VAC14: variants seen among roughly 807,000 people sequenced by gnomAD.
VAC14 encodes the protein VAC14 component of PIKFYVE complex.
Under a neutral mutation model 85.3 loss-of-function variants are expected in VAC14, and 47 were observed. That is an observed-to-expected ratio of 0.55 (90% CI 0.44 to 0.70). VAC14 has a LOEUF of 0.70. VAC14 is among the 30% of genes least tolerant of loss of function. The pLI is 0.00. For missense variants in VAC14, 861 were observed against 1,004.3 expected, an observed-to-expected ratio of 0.86 and a Z score of 1.93; for synonymous variants, 447 against 430.5, an observed-to-expected ratio of 1.04 and a Z score of -0.47.
At chr16:70,704,879 C>T (rs947102563) in intron 14 of VAC14, among the ~76,000 whole-genome samples, 10 of 152,200 alleles carry the variant, frequency 6.6e-5, no homozygotes, top group Admixed American at 2.6e-4. Context: ...TGCCGTGCTC[C>T]GCCCTAGGGA....
chr16:70,744,585 G>T lies in VAC14; in HGVS notation c.1372-6C>A. On this transcript the variant is annotated splice_polypyrimidine_tract_variant and splice_region_variant and intron_variant, in intron 12 of 18. Coordinates refer to ENST00000261776, the MANE Select transcript of VAC14 (RefSeq NM_018052.5). ...TCCAGGTCCTTCAGGATCACCTGGGGAGAGAAGCGGGGCAGGAGGGATGAG... is the reference window on the plus strand; with the variant it reads ...TCCAGGTCCTTCAGGATCACCTGGGTAGAGAAGCGGGGCAGGAGGGATGAG... 1 of 1,587,824 alleles carries T rather than the reference G, an allele frequency of 6.3e-7. No individual in the cohort carries two copies. The highest frequency in any genetic ancestry group is 8.6e-7 in the Non-Finnish European group (1 of 1,167,870).
chr16:70,744,690 G>T, intron 12 of VAC14, 111 bp from the exon 13 acceptor site: 2 of 1,317,720 alleles, frequency 1.5e-6, no homozygotes, highest in Non-Finnish European at 2.0e-6. Context: ...GGAGGGGTCT[G>T]CAGATGACAG....
At chr16:70,757,331 C>A (rs149665706) in intron 12 of VAC14, among the ~76,000 whole-genome samples, 1 of 152,238 alleles carries the variant, frequency 6.6e-6, no homozygotes, top group Non-Finnish European at 1.5e-5. Context: ...GGACTCAGGG[C>A]GGCCAGCTGG....
At chr16:70,734,509 G>A (rs1385923122) in intron 13 of VAC14, among the ~76,000 whole-genome samples, 1 of 151,938 alleles carries the variant, frequency 6.6e-6, no homozygotes, top group Non-Finnish European at 1.5e-5. Flanking sequence ...TTTTTTCTTT[G>A]GTTGCTTGTG....
chr16:70,692,383 G>A (rs944769657), intron 18 of VAC14, among the ~76,000 whole-genome samples: 1 of 152,104 alleles, frequency 6.6e-6, no homozygotes, highest in Non-Finnish European at 1.5e-5. Flanking sequence ...CACAGACAGG[G>A]TGGGGAGGGG....
In VAC14 at chr16:70,697,147, G is replaced by A. The variant is rs2053729324; in HGVS notation, c.1947C>T (p.Ile649=). The A allele has an allele frequency of 4.3e-5, 69 of 1,613,134 alleles. No homozygotes were observed. The highest frequency in any genetic ancestry group is 5.8e-5 in the Non-Finnish European group (68 of 1,179,250). ...TQNYRHAYDL[I]QKFGDLEVTV... is the part of the protein sequence containing the mutation. ...AGTGAGAGGAAGGATACAACTTCTGGATGAGGTCATAGGCGTGCCGGTAGT... is the reference window on the plus strand; with the variant it reads ...AGTGAGAGGAAGGATACAACTTCTGAATGAGGTCATAGGCGTGCCGGTAGT... Residue 649 remains isoleucine, a synonymous_variant, in exon 16 of 19, where the codon ATC becomes ATT. Coordinates refer to ENST00000261776, the MANE Select transcript of VAC14 (RefSeq NM_018052.5).
chr16:70,740,374 C>T (rs2030153019), intron 13 of VAC14, among the ~76,000 whole-genome samples: 1 of 152,188 alleles, frequency 6.6e-6, no homozygotes, highest in Non-Finnish European at 1.5e-5. Flanking sequence ...CAGACTGACA[C>T]ATTACTGTGC....
Position 70,790,962 on chromosome 16 carries a change from C to CG in VAC14, c.105-4598dup, listed in dbSNP as rs201826001. On this transcript the variant is annotated intron_variant, in intron 1 of 18. Coordinates refer to ENST00000261776, the MANE Select transcript of VAC14 (RefSeq NM_018052.5). ...ACCAATATGTCAGTCTGGAGAGCAC[C>CG]GGGCCTGGGGTCAACCCCTGGGCCA... Among the ~76,000 whole-genome samples, 848 of 152,338 alleles carry CG rather than the reference C, an allele frequency of 5.6e-3. 9 individuals are homozygous for CG. Among genetic ancestry groups the CG allele is most frequent in the African/African-American group, 0.02 (811 of 41,580 alleles).
intron 9 of VAC14, among the ~76,000 whole-genome samples, chr16:70,777,196 T>C (rs2143209154): frequency 6.6e-6 from 1 of 151,944 alleles, no homozygotes; most frequent in East Asian, 1.9e-4. Context: ...CCGCCTGCCT[T>C]AGCCTCCCAA....
At chr16:70,739,139 G>A (rs1347899384) in intron 13 of VAC14, among the ~76,000 whole-genome samples, 1 of 152,224 alleles carries the variant, frequency 6.6e-6, no homozygotes, top group Non-Finnish European at 1.5e-5. Context: ...AGAGCCCCCA[G>A]GCACCCCAGC....
At position 70,697,214 on chromosome 16, in the gene VAC14, T is replaced by G; in HGVS notation, c.1880A>C (p.His627Pro). ...GAGGGACACCGTGGTGACTGGGTTG[T>G]GGCACCAGGAGCGGTACAGGCAGCA... ...LFCCLYRSWC[H>P]NPVTTVSLCF... The change falls in exon 16 of 19, where the codon CAC (histidine) becomes CCC (proline). Residue 627 changes from histidine to proline, a missense_variant. This residue lies in a region of VAC14 where 69 missense variants were observed against 139.0 expected (regional missense o/e 0.50). Coordinates refer to ENST00000261776, the MANE Select transcript of VAC14 (RefSeq NM_018052.5). 4 of 1,614,032 alleles carry G rather than the reference T, an allele frequency of 2.5e-6. No homozygotes were observed. Among genetic ancestry groups the G allele is most frequent in the Non-Finnish European group, 3.4e-6 (4 of 1,179,966 alleles).
intron 12 of VAC14, among the ~76,000 whole-genome samples, chr16:70,753,895 G>C (rs1183278582): frequency 1.3e-5 from 2 of 152,182 alleles, no homozygotes; most frequent in African/African-American, 4.8e-5. Context: ...CTCAGGGAAA[G>C]GCTGGCTGGG....
At chr16:70,756,738 C>G (rs370762660) in intron 12 of VAC14, among the ~76,000 whole-genome samples, 1 of 152,158 alleles carries the variant, frequency 6.6e-6, no homozygotes, top group African/African-American at 2.4e-5. Flanking sequence ...CACCTTGGAC[C>G]GGGTACATCG....
chr16:70,783,457 T>C lies in VAC14; in HGVS notation c.692A>G (p.Glu231Gly). Residue 231 changes from glutamate (E) to glycine (G), a missense_variant, in exon 6 of 19, where the codon GAG (glutamate) becomes GGG (glycine). Around this residue, in one of 3 missense-constraint regions of VAC14, gnomAD observed 629 missense variants for 703.1 expected, o/e 0.89. Coordinates refer to ENST00000261776, the MANE Select transcript of VAC14 (RefSeq NM_018052.5). ...TTACTCCACTCACATTTTGCGAATC[T>C]CTTTGCCATTGTCACCCAGGATCTG... ...LFQILGDNGKEIRKMCEVVLG... is the reference protein window; with the variant it reads ...LFQILGDNGKGIRKMCEVVLG... The C allele has an allele frequency of 1.2e-6, 2 of 1,614,084 alleles. No homozygotes were observed. Among genetic ancestry groups the C allele is most frequent in the Non-Finnish European group, 1.7e-6 (2 of 1,180,030 alleles).
intron 1 of VAC14, among the ~76,000 whole-genome samples, chr16:70,798,954 G>A (rs1662837545): frequency 1.3e-5 from 2 of 152,192 alleles, no homozygotes; most frequent in South Asian, 4.1e-4. Flanking sequence ...TCACAGTCAA[G>A]GCACTGCTGA....
intron 13 of VAC14, among the ~76,000 whole-genome samples, chr16:70,742,850 A>C (rs2030478725): frequency 6.6e-6 from 1 of 152,262 alleles, no homozygotes; most frequent in South Asian, 2.1e-4. Flanking sequence ...GGCTGCATCA[A>C]AGTGAGAGGT....
intron 1 of VAC14, among the ~76,000 whole-genome samples, chr16:70,795,930 G>A (rs1320855045): frequency 1.3e-5 from 2 of 152,174 alleles, no homozygotes; most frequent in Admixed American, 6.5e-5. Context: ...GCCTGGCAGA[G>A]CGAGCACCCA....
intron 14 of VAC14, among the ~76,000 whole-genome samples, chr16:70,705,108 G>T (rs756482259): frequency 1.3e-5 from 2 of 152,228 alleles, no homozygotes; most frequent in Non-Finnish European, 2.9e-5. Flanking sequence ...CACCAAGCAG[G>T]GGCATGCTAC....
At chr16:70,746,219 C>T (rs971460363) in intron 12 of VAC14, among the ~76,000 whole-genome samples, 4 of 152,172 alleles carry the variant, frequency 2.6e-5, no homozygotes, top group African/African-American at 7.2e-5. Flanking sequence ...CACCCATTCC[C>T]GCCCCCTCAG....
Sources: gnomAD v4.1 joint callset for allele counts (sites outside exome capture counted in the v4.1 genomes callset) on GRCh38, gnomAD v4.1.1 for gene constraint, gnomAD v4.1.1 regional missense constraint, MANE v1.5 for transcripts, NCBI Gene and HGNC (gene_info 2026-07-23, HGNC 2026-07-21) for gene names.